The following TMC2 variants were observed in gnomAD, a reference collection of about 807,000 sequenced individuals.
TMC2 encodes transmembrane channel-like protein 2.
TMC2 carries 102 observed loss-of-function variants against 105.9 expected under a neutral mutation model. That is an observed-to-expected ratio of 0.96 (90% confidence interval 0.82 to 1.14). TMC2 has a LOEUF of 1.14. TMC2 is among the 50% of genes most tolerant of loss of function. The pLI, the probability that TMC2 is intolerant of heterozygous loss-of-function variation, is 0.00. For missense variants in TMC2, 1,093 were observed against 1,134.3 expected (o/e 0.96, Z 0.52); for synonymous variants, 402 against 422.8 (o/e 0.95, Z 0.60).
intron 19 of TMC2, among the ~76,000 whole-genome samples, chr20:2,640,648 A>G (rs2086681457): frequency 6.6e-6 from 1 of 152,222 alleles, no homozygotes; most frequent in African/African-American, 2.4e-5. Flanking sequence ...CAAGGGAACC[A>G]GAGCCCATTT....
At position 2,615,815 on chromosome 20, in the gene TMC2, G is replaced by A. The variant is rs191701991; in HGVS notation, c.1873-322G>A. ...TTTCTGATTAAAACGTTGATAAAAT[G>A]TTCTGTTAGAGGCGAGGGTCTTCCC... On this transcript the variant is annotated intron_variant, in intron 14 of 19. Coordinates refer to ENST00000358864, the MANE Select transcript of TMC2 (RefSeq NM_080751.3). 2.0e-5 allele frequency among the ~76,000 whole-genome samples: 3 copies of A among 152,284 alleles called. No individual in the cohort carries two copies. In the East Asian group the frequency reaches 5.8e-4, roughly 29 times the overall value.
At chr20:2,554,079 G>C (rs555591992) in intron 2 of TMC2, among the ~76,000 whole-genome samples, 1 of 151,868 alleles carries the variant, frequency 6.6e-6, no homozygotes, top group Non-Finnish European at 1.5e-5. Context: ...TGGAGATGGG[G>C]GTTTCACCAT....
rs1600145529 is a variant in TMC2, at chr20:2,637,909, C to T, written c.2503+318C>T. ...TTGGATCAACCATGGATGGCATCTACAATGGTGGCCCCATAAGATTATAAT... is the reference window on the plus strand; with the variant it reads ...TTGGATCAACCATGGATGGCATCTATAATGGTGGCCCCATAAGATTATAAT... On this transcript the variant is annotated intron_variant, in intron 19 of 19. Coordinates refer to ENST00000358864, the MANE Select transcript of TMC2 (RefSeq NM_080751.3). Among the ~76,000 whole-genome samples the T allele has an allele frequency of 2.0e-5, 3 of 152,306 alleles. No homozygotes were observed. In the East Asian group the frequency reaches 5.8e-4, roughly 29 times the overall value.
chr20:2,544,281 T>C (rs721059), intron 2 of TMC2, among the ~76,000 whole-genome samples: 83,524 of 151,738 alleles, frequency 0.55, 23,160 homozygotes, highest in African/African-American at 0.59. Context: ...AGCAGTGCAG[T>C]AGCATTTAAA....
At chr20:2,596,492 G>T (rs186840873) in intron 9 of TMC2, among the ~76,000 whole-genome samples, 2 of 152,136 alleles carry the variant, frequency 1.3e-5, no homozygotes, top group African/African-American at 4.8e-5. Context: ...AATTAGCCAG[G>T]CGTCCTGGCA....
At chr20:2,567,368 G>C (rs6114961) in intron 4 of TMC2, among the ~76,000 whole-genome samples, 19,096 of 152,084 alleles carry the variant, frequency 0.13, 1,464 homozygotes, top group African/African-American at 0.21. Context: ...GTCAGAGGAG[G>C]CCTGGTAAAA....
In TMC2 at chr20:2,540,236, G is replaced by C. The variant is rs752654994; in HGVS notation, c.82+2920G>C. 2.2e-3 allele frequency among the ~76,000 whole-genome samples: 337 copies of C among 151,700 alleles called. 1 individual carries two copies. Among genetic ancestry groups the C allele is most frequent in the Non-Finnish European group, 4.3e-3 (294 of 67,884 alleles). On this transcript the variant is annotated intron_variant, in intron 2 of 19. Transcript: ENST00000358864. Reference sequence around the variant, plus strand: ...CAAACTCATACCTCGTGATCCACCCGCCTCAGCCTCCCAAAGTGCTGGGAT... The same window carrying C: ...CAAACTCATACCTCGTGATCCACCCCCCTCAGCCTCCCAAAGTGCTGGGAT...
chr20:2,614,119 C>T (rs1458147502), intron 14 of TMC2: 1 of 152,116 alleles, frequency 6.6e-6, no homozygotes, highest in Non-Finnish European at 1.5e-5. Flanking sequence ...GCCAGGAAAG[C>T]TTCATAATCT....
At chr20:2,573,207 C>T (rs149355110) in intron 5 of TMC2, among the ~76,000 whole-genome samples, 1 of 152,256 alleles carries the variant, frequency 6.6e-6, no homozygotes, top group Non-Finnish European at 1.5e-5. Flanking sequence ...AATCCCTTTG[C>T]CAAGTTCCAC....
Position 2,617,645 on chromosome 20 carries a change from T to C in TMC2, c.2180+334T>C, listed in dbSNP as rs938414854. 37 of 342,324 alleles carry C rather than the reference T, an allele frequency of 1.1e-4. 1 individual carries two copies. The highest frequency in any genetic ancestry group is 9.3e-4 in the South Asian group (31 of 33,454). 21.2% of individuals were successfully genotyped at this position (342,324 alleles called of 1,614,324 possible). On this transcript the variant is annotated intron_variant, in intron 16 of 19. Coordinates refer to ENST00000358864, the MANE Select transcript of TMC2 (RefSeq NM_080751.3). ...ACATATTTGGGGGTACATGTGATAT[T>C]TGGATACATGTATACAATATATAAT...
At chr20:2,610,384 T>C (rs374595316) in intron 11 of TMC2, 35 bp from the exon 12 acceptor site, 17 of 1,577,784 alleles carry the variant, frequency 1.1e-5, no homozygotes, top group Non-Finnish European at 1.4e-5. Context: ...AAGTATAATG[T>C]TGATGACACA....
intron 8 of TMC2, among the ~76,000 whole-genome samples, chr20:2,594,366 T>C (rs1418205051): frequency 1.3e-5 from 2 of 151,994 alleles, no homozygotes; most frequent in African/African-American, 4.8e-5. Flanking sequence ...TAGCTGAGAT[T>C]ACAGGCACCT....
intron 14 of TMC2, among the ~76,000 whole-genome samples, chr20:2,615,558 G>A (rs17227879): frequency 0.012 from 1,834 of 152,220 alleles, 26 homozygotes; most frequent in Middle Eastern, 0.041. Flanking sequence ...TCAAATATTC[G>A]GACAAATCAC....
chr20:2,599,180 ATC>A (rs1331859451), intron 10 of TMC2, among the ~76,000 whole-genome samples: 1 of 152,046 alleles, frequency 6.6e-6, no homozygotes, highest in Non-Finnish European at 1.5e-5. Flanking sequence ...AGGCAGGAGA[ATC>A]TCTTGAATCC....
At chr20:2,610,298 A>C in intron 11 of TMC2, 121 bp from the exon 12 acceptor site, 1 of 910,508 alleles carries the variant, frequency 1.1e-6, no homozygotes, top group Non-Finnish European at 1.7e-6. Flanking sequence ...ACCCCAGGGC[A>C]TCTCCAGGCG....
chr20:2,613,396 A>C, intron 14 of TMC2, 74 bp downstream of exon 14: 1 of 1,592,470 alleles, frequency 6.3e-7, no homozygotes. Context: ...AGCCAGATGC[A>C]TTCTTGGGCA....
intron 17 of TMC2, among the ~76,000 whole-genome samples, chr20:2,625,950 A>T (rs929115789): frequency 4.6e-5 from 7 of 152,178 alleles, no homozygotes; most frequent in African/African-American, 1.2e-4. Context: ...TGATATTCCA[A>T]TATCTGAACC....
chr20:2,602,349 A>C, intron 11 of TMC2, 48 bp downstream of exon 11: 1 of 1,396,906 alleles, frequency 7.2e-7, no homozygotes, highest in Non-Finnish European at 9.7e-7. Context: ...CAAATACTGA[A>C]ATCACTGGTT....
intron 17 of TMC2, among the ~76,000 whole-genome samples, chr20:2,627,272 TTCTTCCG>T (rs1299665803): frequency 6.6e-6 from 1 of 152,196 alleles, no homozygotes; most frequent in Non-Finnish European, 1.5e-5. Context: ...CTTTTCCCAA[TTCTTCCG>T]TCTTTGCTTA....
Sources: gnomAD v4.1 joint callset for allele counts (sites outside exome capture counted in the v4.1 genomes callset) on GRCh38, gnomAD v4.1.1 for gene constraint, MANE v1.5 for transcripts, NCBI Gene and HGNC (gene_info 2026-07-23, HGNC 2026-07-21) for gene names.